LIX1: variants seen among roughly 807,000 people sequenced by gnomAD.
LIX1 encodes the protein protein limb expression 1 homolog.
Under a neutral mutation model 33.4 loss-of-function variants are expected in LIX1, and 24 were observed. That is an observed-to-expected ratio of 0.72 (90% confidence interval 0.52 to 1.01). The LOEUF (loss-of-function observed/expected upper bound fraction) is 1.01. Ranked by LOEUF, LIX1 falls within the 50% of genes least tolerant of loss-of-function variation. The probability of loss-of-function intolerance (pLI) is 0.00; values close to 1 mark genes in which losing one functional copy is unlikely to be tolerated. For missense variants in LIX1, 311 were observed against 339.2 expected (o/e 0.92, Z 0.65); for synonymous variants, 124 against 124.0 (o/e 1.00, Z 0.00).
At chr5:97,140,416 TGGA>T (rs1748261606) in intron 1 of LIX1, among the ~76,000 whole-genome samples, 1 of 151,902 alleles carries the variant, frequency 6.6e-6, no homozygotes, top group African/African-American at 2.4e-5. Flanking sequence ...CAGGTTAGAG[TGGA>T]GGAGGAGCCA....
intron 1 of LIX1, among the ~76,000 whole-genome samples, chr5:97,131,344 G>A (rs1415798554): frequency 6.6e-6 from 1 of 152,086 alleles, no homozygotes; most frequent in Admixed American, 6.6e-5. Flanking sequence ...ACACTTCAGG[G>A]GAAATGACAC....
chr5:97,124,037 C>A (rs1214529278), intron 2 of LIX1, among the ~76,000 whole-genome samples: 1 of 152,108 alleles, frequency 6.6e-6, no homozygotes, highest in African/African-American at 2.4e-5. Flanking sequence ...AAATGAGTGA[C>A]TTCATAAGTT....
intron 4 of LIX1, among the ~76,000 whole-genome samples, chr5:97,098,051 C>T (rs10061310): frequency 0.016 from 2,417 of 152,272 alleles, 59 homozygotes; most frequent in African/African-American, 0.056. Flanking sequence ...TTCTGTTTTA[C>T]GGAAGGAGGT....
intron 4 of LIX1, chr5:97,103,103 GAC>G: frequency 2.2e-6 from 1 of 452,366 alleles, no homozygotes; most frequent in African/African-American, 2.0e-5. Context: ...AGGTCTGTAT[GAC>G]TTTTTAAAGT....
chr5:97,122,973 T>A (rs1250781693), intron 2 of LIX1, among the ~76,000 whole-genome samples: 1 of 152,222 alleles, frequency 6.6e-6, no homozygotes, highest in Non-Finnish European at 1.5e-5. Context: ...AGTGGAAACA[T>A]CTCATTGGAC....
intron 2 of LIX1, among the ~76,000 whole-genome samples, chr5:97,112,415 TATG>T (rs1747448388): frequency 6.6e-6 from 1 of 152,196 alleles, no homozygotes; most frequent in Admixed American, 6.5e-5. Flanking sequence ...GCGAGTGAAG[TATG>T]ATGTTATTTC....
At chr5:97,107,315 A>C in intron 3 of LIX1, 45 bp downstream of exon 3, 1 of 1,571,402 alleles carries the variant, frequency 6.4e-7, no homozygotes, top group Non-Finnish European at 8.7e-7. Context: ...AATGCTTCAG[A>C]ATTCTCAGTG....
chr5:97,112,483 A>AT (rs1351792725), intron 2 of LIX1, among the ~76,000 whole-genome samples: 2 of 152,252 alleles, frequency 1.3e-5, no homozygotes, highest in East Asian at 1.9e-4. Context: ...CATTCTTGCT[A>AT]TTTTTTAGCC....
intron 2 of LIX1, among the ~76,000 whole-genome samples, chr5:97,121,986 G>A (rs1747796139): frequency 6.6e-6 from 1 of 152,126 alleles, no homozygotes; most frequent in Non-Finnish European, 1.5e-5. Context: ...GTGGGTTGGA[G>A]AGCCTCTTCC....
chr5:97,116,697 C>A (rs1368369461), intron 2 of LIX1, among the ~76,000 whole-genome samples: 2 of 151,778 alleles, frequency 1.3e-5, no homozygotes, highest in Non-Finnish European at 2.9e-5. Context: ...TTCTTTTATT[C>A]TTTTTCTTTT....
At chr5:97,136,347 A>G (rs555293896) in intron 1 of LIX1, among the ~76,000 whole-genome samples, 1 of 150,744 alleles carries the variant, frequency 6.6e-6, no homozygotes, top group East Asian at 1.9e-4. Flanking sequence ...CAGAAGATAA[A>G]TGGCTTAAAA....
At chr5:97,125,917 A>T (rs373293093) in intron 1 of LIX1, among the ~76,000 whole-genome samples, 2 of 152,344 alleles carry the variant, frequency 1.3e-5, no homozygotes, top group Middle Eastern at 6.8e-3. Flanking sequence ...CCAAGCAAGA[A>T]GAAAATCTGG....
chr5:97,112,200 A>G (rs543440549), intron 2 of LIX1, among the ~76,000 whole-genome samples: 4 of 152,366 alleles, frequency 2.6e-5, no homozygotes, highest in Admixed American at 2.6e-4. Context: ...TCAGCCCATA[A>G]GAATCTTTAC....
intron 4 of LIX1, among the ~76,000 whole-genome samples, chr5:97,104,594 C>T (rs1746913138): frequency 6.6e-6 from 1 of 152,144 alleles, no homozygotes; most frequent in Non-Finnish European, 1.5e-5. Flanking sequence ...AGTAAGCATC[C>T]ATAAATGTCA....
rs1386539635 is a variant in LIX1, at chr5:97,104,719, T to A, written c.483+471A>T. Reference sequence around the variant, plus strand: ...TGAAAAAGAGTTACAGATTGTTAATTTTTTTGATTTCATTGATGATAGGAA... The same window carrying A: ...TGAAAAAGAGTTACAGATTGTTAATATTTTTGATTTCATTGATGATAGGAA... On this transcript the variant is annotated intron_variant, in intron 4 of 5. Transcript: ENST00000274382. 2.6e-5 allele frequency among the ~76,000 whole-genome samples: 4 copies of A among 152,334 alleles called. No homozygotes were observed. The East Asian group carries it at 7.7e-4, about 29-fold the overall frequency.
At chr5:97,126,798 C>T (rs1182988133) in intron 1 of LIX1, among the ~76,000 whole-genome samples, 2 of 151,784 alleles carry the variant, frequency 1.3e-5, no homozygotes, top group Non-Finnish European at 2.9e-5. Flanking sequence ...CACCACTACG[C>T]CCAGCTAATT....
intron 1 of LIX1, among the ~76,000 whole-genome samples, chr5:97,125,282 T>C (rs527619091): frequency 1.3e-5 from 2 of 152,358 alleles, no homozygotes; most frequent in South Asian, 4.1e-4. Context: ...ATGTTTTAGA[T>C]TAAATGACCT....
intron 1 of LIX1, among the ~76,000 whole-genome samples, chr5:97,132,298 G>A (rs1197048283): frequency 1.3e-5 from 2 of 152,178 alleles, no homozygotes; most frequent in Admixed American, 6.5e-5. Context: ...ATATTAGAGT[G>A]CTAAATTGTG....
At chr5:97,097,689 A>G (rs769024997) in intron 4 of LIX1, among the ~76,000 whole-genome samples, 18 of 152,256 alleles carry the variant, frequency 1.2e-4, no homozygotes, top group Admixed American at 1.2e-3. Context: ...AAATAAATAT[A>G]CAAATATAGT....
Sources: allele counts gnomAD v4.1 joint callset (sites outside exome capture counted in the v4.1 genomes callset), GRCh38; gene constraint gnomAD v4.1.1; transcripts MANE v1.5; gene names NCBI Gene and HGNC (gene_info 2026-07-23, HGNC 2026-07-21).